GNG4: variants seen among roughly 807,000 people sequenced by gnomAD.
GNG4 encodes guanine nucleotide-binding protein G(I)/G(S)/G(O) subunit gamma-4.
A neutral mutation model predicts 5.8 loss-of-function variants in GNG4; 4 were observed. That is an observed-to-expected ratio of 0.69 (90% confidence interval 0.34 to 1.57). The LOEUF (loss-of-function observed/expected upper bound fraction) is 1.57. Among genes scored for constraint, GNG4 ranks in the 40% most tolerant of loss-of-function variants. GNG4 has a pLI of 0.06. For synonymous variants in GNG4, 29 were observed against 32.9 expected (o/e 0.88, Z 0.41); for missense variants, 96 against 95.1 (o/e 1.01, Z -0.04).
chr1:235,640,340 G>A (rs1464146886), intron 1 of GNG4, among the ~76,000 whole-genome samples: 1 of 152,154 alleles, frequency 6.6e-6, no homozygotes, highest in Non-Finnish European at 1.5e-5. Flanking sequence ...TCTGGTGGCT[G>A]CAAAACTCAA....
chr1:235,620,619 T>C (rs1038709300), intron 1 of GNG4, among the ~76,000 whole-genome samples: 1 of 152,066 alleles, frequency 6.6e-6, no homozygotes, highest in Non-Finnish European at 1.5e-5. Context: ...CACTGCAAGC[T>C]CCGCCTCCCG....
At chr1:235,581,447 T>G (rs7550301) in intron 3 of GNG4, among the ~76,000 whole-genome samples, 6,553 of 150,744 alleles carry the variant, frequency 0.043, 437 homozygotes, top group African/African-American at 0.15. Flanking sequence ...AAGAATGGCG[T>G]GAACCCGGGA....
chr1:235,585,180 A>T (rs2102943080), intron 2 of GNG4, among the ~76,000 whole-genome samples: 1 of 148,850 alleles, frequency 6.7e-6, no homozygotes, highest in East Asian at 2.0e-4. Context: ...TGGACTCCAG[A>T]CTATTCTTTC....
chr1:235,603,965 T>G (rs954807991), intron 1 of GNG4, among the ~76,000 whole-genome samples: 6 of 152,178 alleles, frequency 3.9e-5, no homozygotes, highest in Non-Finnish European at 7.3e-5. Context: ...CGTGGGACCC[T>G]TCACGCTATC....
At chr1:235,609,073 T>G (rs1688422759) in intron 1 of GNG4, among the ~76,000 whole-genome samples, 1 of 152,084 alleles carries the variant, frequency 6.6e-6, no homozygotes, top group Non-Finnish European at 1.5e-5. Flanking sequence ...CTCCAAGCGA[T>G]CTTCTTACCT....
At chr1:235,620,975 A>C (rs1688699939) in intron 1 of GNG4, among the ~76,000 whole-genome samples, 1 of 152,178 alleles carries the variant, frequency 6.6e-6, no homozygotes, top group South Asian at 2.1e-4. Context: ...AGGAAAGTAC[A>C]TGTCACATGC....
chr1:235,621,216 C>T (rs1309009191), intron 1 of GNG4, among the ~76,000 whole-genome samples: 1 of 127,950 alleles, frequency 7.8e-6, no homozygotes, highest in East Asian at 2.0e-4. Context: ...TGGAGATTAG[C>T]CAAAAAAAAA....
intron 1 of GNG4, among the ~76,000 whole-genome samples, chr1:235,647,201 AC>A (rs1657532325): frequency 6.6e-6 from 1 of 152,232 alleles, no homozygotes; most frequent in African/African-American, 2.4e-5. Context: ...CCTGAATAAT[AC>A]AAGTCTCTAT....
intron 3 of GNG4, among the ~76,000 whole-genome samples, chr1:235,582,115 C>T (rs1687651926): frequency 6.6e-6 from 1 of 152,202 alleles, no homozygotes; most frequent in African/African-American, 2.4e-5. Flanking sequence ...TTTGCCTCCC[C>T]GATCGCATCT....
intron 1 of GNG4, among the ~76,000 whole-genome samples, chr1:235,619,778 TTA>T (rs1688668841): frequency 6.6e-6 from 1 of 152,186 alleles, no homozygotes; most frequent in African/African-American, 2.4e-5. Context: ...CACTCAAAGT[TTA>T]TGACTCTGGA....
intron 1 of GNG4, among the ~76,000 whole-genome samples, chr1:235,635,342 C>T (rs559999607): frequency 5.9e-5 from 9 of 151,988 alleles, no homozygotes; most frequent in African/African-American, 2.2e-4. Flanking sequence ...ACTAAAAATA[C>T]AAAATGATTC....
chr1:235,578,038 C>T (rs2102936098), intron 3 of GNG4, among the ~76,000 whole-genome samples: 1 of 152,198 alleles, frequency 6.6e-6, no homozygotes, highest in Non-Finnish European at 1.5e-5. Context: ...TACCAAGATG[C>T]ACCTTTTCTT....
chr1:235,637,936 C>T (rs986216134), intron 1 of GNG4, among the ~76,000 whole-genome samples: 2 of 152,190 alleles, frequency 1.3e-5, no homozygotes, highest in African/African-American at 4.8e-5. Flanking sequence ...CAGTCCGGCA[C>T]AGACTTGAGG....
intron 3 of GNG4, among the ~76,000 whole-genome samples, chr1:235,572,684 G>A (rs1687376223): frequency 6.6e-6 from 1 of 151,234 alleles, no homozygotes; most frequent in African/African-American, 2.4e-5. Flanking sequence ...ACGTTTAGTA[G>A]AGACAGGGTT....
chr1:235,553,630 G>A (rs1686815019), intron 3 of GNG4, among the ~76,000 whole-genome samples: 1 of 152,170 alleles, frequency 6.6e-6, no homozygotes, highest in South Asian at 2.1e-4. Context: ...AATAATTCCA[G>A]CAGAGATATA....
At chr1:235,645,419 C>G (rs1657476621) in intron 1 of GNG4, among the ~76,000 whole-genome samples, 1 of 152,184 alleles carries the variant, frequency 6.6e-6, no homozygotes, top group Non-Finnish European at 1.5e-5. Flanking sequence ...GGTGGGACAC[C>G]AGAAGAAACA....
chr1:235,643,279 C>T (rs10802904), intron 1 of GNG4, among the ~76,000 whole-genome samples: 91,860 of 152,044 alleles, frequency 0.6, 28,133 homozygotes, highest in African/African-American at 0.62. Flanking sequence ...CCCTGCTGGC[C>T]GCCCTGCCTG....
chr1:235,587,841 ACGTG>A (rs1226676660), intron 2 of GNG4, among the ~76,000 whole-genome samples: 2 of 114,138 alleles, frequency 1.8e-5, no homozygotes, highest in Non-Finnish European at 3.8e-5. Flanking sequence ...TGCGGGGTGA[ACGTG>A]TGTGTAAGTG....
rs879213690 is a variant in GNG4, at chr1:235,551,112, T to C, written c.*997A>G. On this transcript the variant is annotated 3_prime_UTR_variant, in exon 4 of 4. Transcript: ENST00000391854. ...GCACCCACAGGTCTGCCACAGCGCG[T>C]CAACGGTATGGGGTACTTTTACAGT... 1 of 152,398 alleles carries C rather than the reference T, an allele frequency of 6.6e-6. No individual in the cohort carries two copies. The highest frequency in any genetic ancestry group is 2.4e-5 in the African/African-American group (1 of 41,570). 9.4% of individuals were successfully genotyped at this position (152,398 alleles called of 1,614,324 possible).
Sources: allele counts gnomAD v4.1 joint callset (sites outside exome capture counted in the v4.1 genomes callset), GRCh38; gene constraint gnomAD v4.1.1; transcripts MANE v1.5; gene names NCBI Gene and HGNC (gene_info 2026-07-23, HGNC 2026-07-21).